DSCAM: variants seen among roughly 807,000 people sequenced by gnomAD.
The protein encoded by DSCAM is DS cell adhesion molecule.
In DSCAM, 47 loss-of-function variants were observed where a neutral mutation model predicts 217.7. The ratio of observed to expected loss-of-function variants is 0.22; its 90% confidence interval spans 0.17 to 0.28. The LOEUF is 0.28. Ranked by LOEUF, DSCAM falls within the 10% of genes least tolerant of loss-of-function variation. The pLI is 1.00. For missense variants in DSCAM, 2,080 were observed against 2,618.3 expected (o/e 0.79, Z 4.49); for synonymous variants, 1,056 against 1,015.3 (o/e 1.04, Z -0.76).
In DSCAM at chr21:40,543,627, G is replaced by A. The variant is rs148564236; in HGVS notation, c.508+149183C>T. The stretch of plus-strand genomic sequence containing the variant: ...GGGGGCAGGGATCCCAAATCTACAA[G>A]GGAAACTAAGTCCCAGCTTGAGGAA... On this transcript the variant is annotated intron_variant, in intron 3 of 32. Coordinates refer to ENST00000400454, the MANE Select transcript of DSCAM (RefSeq NM_001389.5). 2.6e-3 allele frequency among the ~76,000 whole-genome samples: 394 copies of A among 152,200 alleles called. 2 individuals are homozygous for A. The highest frequency in any genetic ancestry group is 5.0e-3 in the South Asian group (24 of 4,808).
intron 3 of DSCAM, among the ~76,000 whole-genome samples, chr21:40,647,749 T>C (rs1275728418): frequency 6.6e-6 from 1 of 152,240 alleles, no homozygotes; most frequent in East Asian, 1.9e-4. Context: ...ATAGCTATTT[T>C]TCATTTCATA....
chr21:40,762,504 C>G (rs911797513), intron 1 of DSCAM, among the ~76,000 whole-genome samples: 1 of 152,080 alleles, frequency 6.6e-6, no homozygotes, highest in Non-Finnish European at 1.5e-5. Context: ...CAGGACCAGA[C>G]GGATTCACAG....
At chr21:40,141,155 GC>G (rs1182647381) in intron 18 of DSCAM, among the ~76,000 whole-genome samples, 1 of 152,226 alleles carries the variant, frequency 6.6e-6, no homozygotes, top group Admixed American at 6.5e-5. Context: ...AACCGTGGAG[GC>G]TGCTGCCACC....
chr21:40,386,765 T>G (rs887538837), intron 3 of DSCAM, among the ~76,000 whole-genome samples: 1 of 152,250 alleles, frequency 6.6e-6, no homozygotes, highest in Admixed American at 6.5e-5. Flanking sequence ...CTTCTCCACT[T>G]AAAAGTGGAA....
At chr21:40,136,844 GAGA>G (rs1045355144) in intron 18 of DSCAM, among the ~76,000 whole-genome samples, 1 of 152,118 alleles carries the variant, frequency 6.6e-6, no homozygotes, top group African/African-American at 2.4e-5. Flanking sequence ...GGTGGGGAGG[GAGA>G]AGGACAACCT....
intron 1 of DSCAM, among the ~76,000 whole-genome samples, chr21:40,804,284 G>A (rs1569044480): frequency 6.6e-6 from 1 of 152,154 alleles, no homozygotes; most frequent in East Asian, 1.9e-4. Context: ...AAGCACAGAA[G>A]GTTGTTTTTC....
intron 3 of DSCAM, among the ~76,000 whole-genome samples, chr21:40,656,290 C>T (rs991442821): frequency 2.0e-5 from 3 of 151,764 alleles, no homozygotes; most frequent in Admixed American, 6.5e-5. Flanking sequence ...TATTTTCACA[C>T]GCAAATGCTG....
intron 18 of DSCAM, among the ~76,000 whole-genome samples, chr21:40,138,443 GGT>G (rs1434532944): frequency 6.8e-6 from 1 of 147,768 alleles, no homozygotes; most frequent in African/African-American, 2.5e-5. Flanking sequence ...TGCGTGGTGT[GGT>G]GTGTGTGTAT....
chr21:40,837,940 CAATT>C (rs1197481764), intron 1 of DSCAM, among the ~76,000 whole-genome samples: 3 of 152,132 alleles, frequency 2.0e-5, no homozygotes, highest in African/African-American at 7.2e-5. Context: ...ATAAACATGG[CAATT>C]AAGCAGACTG....
chr21:40,112,971 A>G (rs917005724), intron 20 of DSCAM, among the ~76,000 whole-genome samples: 18 of 152,176 alleles, frequency 1.2e-4, no homozygotes, highest in African/African-American at 2.9e-4. Context: ...ATTCACAGCC[A>G]AATTCTACCA....
chr21:40,394,341 C>A (rs1479542970), intron 3 of DSCAM, among the ~76,000 whole-genome samples: 1 of 152,188 alleles, frequency 6.6e-6, no homozygotes, highest in East Asian at 1.9e-4. Context: ...GGTTGAGGAC[C>A]AAGGTCATAC....
At chr21:40,266,730 G>A (rs1315490243) in intron 11 of DSCAM, among the ~76,000 whole-genome samples, 1 of 127,174 alleles carries the variant, frequency 7.9e-6, no homozygotes, top group African/African-American at 3.1e-5. Context: ...TATATCTTGT[G>A]TGTATATATA....
chr21:40,161,283 G>A (rs781399986), intron 16 of DSCAM, among the ~76,000 whole-genome samples: 7 of 152,018 alleles, frequency 4.6e-5, no homozygotes, highest in African/African-American at 9.7e-5. Context: ...ATGTATAGAC[G>A]GAGAGATGCA....
intron 1 of DSCAM, among the ~76,000 whole-genome samples, chr21:40,749,893 G>A (rs922144694): frequency 4.6e-5 from 7 of 151,818 alleles, no homozygotes; most frequent in Admixed American, 2.6e-4. Context: ...TTTCTCCCAC[G>A]TAGCCTCTCC....
At chr21:40,614,815 T>C (rs1177512520) in intron 3 of DSCAM, among the ~76,000 whole-genome samples, 2 of 152,218 alleles carry the variant, frequency 1.3e-5, no homozygotes, top group Non-Finnish European at 2.9e-5. Flanking sequence ...AACAGGCACA[T>C]GTTTCAGAAG....
chr21:40,069,983 G>A (rs565856471), intron 27 of DSCAM, among the ~76,000 whole-genome samples: 20 of 152,120 alleles, frequency 1.3e-4, no homozygotes, highest in African/African-American at 4.1e-4. Flanking sequence ...TCCAGGGCCC[G>A]GCTGAGACCC....
chr21:40,752,772 T>C (rs1439691741), intron 1 of DSCAM, among the ~76,000 whole-genome samples: 1 of 151,878 alleles, frequency 6.6e-6, no homozygotes, highest in African/African-American at 2.4e-5. Context: ...AGCTCAATTT[T>C]AAAAAGCGGG....
chr21:40,434,141 T>G (rs935787767), intron 3 of DSCAM, among the ~76,000 whole-genome samples: 2 of 152,184 alleles, frequency 1.3e-5, no homozygotes, highest in African/African-American at 4.8e-5. Context: ...CCATTTTCCT[T>G]TTAATCATGT....
chr21:40,020,173 T>C (rs1751148112), intron 32 of DSCAM, among the ~76,000 whole-genome samples: 1 of 152,146 alleles, frequency 6.6e-6, no homozygotes, highest in South Asian at 2.1e-4. Flanking sequence ...CTGATGGCTT[T>C]ATAAGGGGTT....
Sources: gnomAD v4.1 joint callset for allele counts (sites outside exome capture counted in the v4.1 genomes callset) on GRCh38, gnomAD v4.1.1 for gene constraint, MANE v1.5 for transcripts, NCBI Gene and HGNC (gene_info 2026-07-23, HGNC 2026-07-21) for gene names.